The following AUTS2 variants were observed in gnomAD, a reference collection of about 807,000 sequenced individuals.
AUTS2 encodes the protein activator of transcription and developmental regulator AUTS2.
In AUTS2, 17 loss-of-function variants were observed where a neutral mutation model predicts 112.4. That is an observed-to-expected ratio of 0.15 (90% CI 0.10 to 0.23). The LOEUF (loss-of-function observed/expected upper bound fraction) is 0.23, where lower values mean the gene tolerates loss of function less well. AUTS2 is among the 10% of genes least tolerant of loss of function. The pLI is 1.00. For synonymous variants in AUTS2, 751 were observed against 702.7 expected (o/e 1.07, Z -1.09); for missense variants, 1,510 against 1,701.6 (o/e 0.89, Z 1.98).
chr7:70,234,113 G>C (rs1254823476), intron 4 of AUTS2, among the ~76,000 whole-genome samples: 2 of 152,158 alleles, frequency 1.3e-5, no homozygotes, highest in Admixed American at 6.5e-5. Flanking sequence ...AGTCATATTT[G>C]TGGATCAGAA....
chr7:70,588,671 ATT>A (rs916861526), intron 5 of AUTS2, among the ~76,000 whole-genome samples: 3 of 149,826 alleles, frequency 2.0e-5, no homozygotes, highest in Non-Finnish European at 4.5e-5. Flanking sequence ...AAAGTTTAGG[ATT>A]TTTTTTTTAT....
Position 70,046,560 on chromosome 7 carries a change from G to T in AUTS2, c.523-71572G>T, listed in dbSNP as rs545088213. Among the ~76,000 whole-genome samples, 36 of 152,232 alleles carry T rather than the reference G, an allele frequency of 2.4e-4. No individual in the cohort carries two copies. In the East Asian group the frequency reaches 6.4e-3, roughly 27 times the overall value. ...GCTTTCAGTAATTAGTCTGAATTTT[G>T]TTGAAACTCAGAAACAACTGGCAGT... On this transcript the variant is annotated intron_variant, in intron 2 of 18. Transcript: ENST00000342771.
intron 1 of AUTS2, among the ~76,000 whole-genome samples, chr7:69,630,934 T>C (rs896764181): frequency 1.3e-5 from 2 of 152,080 alleles, no homozygotes; most frequent in Admixed American, 6.5e-5. Context: ...CTTTTTTTTT[T>C]CCTTCTCTGT....
At position 70,763,092 on chromosome 7, in the gene AUTS2, C is replaced by A; in HGVS notation, c.965C>A (p.Pro322His). The A allele has an allele frequency of 6.2e-7, 1 of 1,614,150 alleles. No individual in the cohort carries two copies. Among genetic ancestry groups the A allele is most frequent in the South Asian group, 1.1e-5 (1 of 91,086 alleles). The change falls in exon 7 of 19, where the codon CCT becomes CAT. Residue 322 changes from proline to histidine, a missense_variant. Around this residue, in one of 3 missense-constraint regions of AUTS2, gnomAD observed 535 missense variants for 594.3 expected, o/e 0.90. Coordinates refer to ENST00000342771, the MANE Select transcript of AUTS2 (RefSeq NM_015570.4). ...CAACTCCGAGCTCCTTCTCCGGACC[C>A]TGACTTGGTGCAGCGCACAGAGGCC... Reference protein sequence around the residue: ...EPQLRAPSPDPDLVQRTEAPP... With the variant: ...EPQLRAPSPDHDLVQRTEAPP...
chr7:70,557,384 G>A (rs1352807424), intron 5 of AUTS2, among the ~76,000 whole-genome samples: 1 of 152,174 alleles, frequency 6.6e-6, no homozygotes, highest in Non-Finnish European at 1.5e-5. Flanking sequence ...CCAGCCCTTG[G>A]CTGGCAGAGG....
chr7:70,764,697 T>C (rs1490086898), intron 7 of AUTS2, 55 bp from the exon 8 acceptor site: 2 of 708,676 alleles, frequency 2.8e-6, no homozygotes, highest in Admixed American at 2.0e-5. Context: ...TTAAAGAGAA[T>C]ACATTGCTTA....
chr7:70,438,731 C>T (rs991821620), intron 5 of AUTS2, among the ~76,000 whole-genome samples: 3 of 152,316 alleles, frequency 2.0e-5, no homozygotes, highest in East Asian at 1.9e-4. Flanking sequence ...GTGCCCCCCT[C>T]GAAGCCCCAG....
chr7:70,477,221 G>A (rs1161762526), intron 5 of AUTS2, among the ~76,000 whole-genome samples: 2 of 152,088 alleles, frequency 1.3e-5, no homozygotes, highest in African/African-American at 4.8e-5. Context: ...TCTTTTCCCA[G>A]CCATATTTTT....
intron 2 of AUTS2, among the ~76,000 whole-genome samples, chr7:69,986,506 G>A (rs1205165869): frequency 6.6e-6 from 1 of 152,222 alleles, no homozygotes; most frequent in Non-Finnish European, 1.5e-5. Context: ...CGTTATGGTT[G>A]TTCTTGGCAG....
chr7:69,950,993 G>A (rs1292930066), intron 2 of AUTS2, among the ~76,000 whole-genome samples: 2 of 151,790 alleles, frequency 1.3e-5, no homozygotes, highest in Non-Finnish European at 2.9e-5. Context: ...TTTTTTAAAG[G>A]CTCCCTGCTC....
Position 70,329,813 on chromosome 7 carries a change from T to G in AUTS2, c.661-105939T>G, listed in dbSNP as rs981654125. The stretch of plus-strand genomic sequence containing the variant: ...TCTGTTGTAACAAACTACTTGACAC[T>G]AGAGAATTTATAAACAAAGGAAATT... On this transcript the variant is annotated intron_variant, in intron 4 of 18. Coordinates refer to ENST00000342771, the MANE Select transcript of AUTS2 (RefSeq NM_015570.4). Among the ~76,000 whole-genome samples, 13 of 152,056 alleles carry G rather than the reference T, an allele frequency of 8.5e-5. No homozygotes were observed. The East Asian group carries it at 2.3e-3, about 27-fold the overall frequency.
intron 6 of AUTS2, among the ~76,000 whole-genome samples, chr7:70,744,236 T>C (rs374052979): frequency 1.3e-5 from 2 of 152,170 alleles, no homozygotes; most frequent in Admixed American, 6.5e-5. Context: ...TGAAGAAATA[T>C]AGCCAACGTC....
At chr7:69,994,007 T>C (rs1798845671) in intron 2 of AUTS2, among the ~76,000 whole-genome samples, 1 of 152,070 alleles carries the variant, frequency 6.6e-6, no homozygotes, top group Non-Finnish European at 1.5e-5. Flanking sequence ...CCCAAGAAAG[T>C]CTCGCTTGTG....
At chr7:70,372,070 A>G (rs927542614) in intron 4 of AUTS2, among the ~76,000 whole-genome samples, 2 of 152,232 alleles carry the variant, frequency 1.3e-5, no homozygotes, top group Admixed American at 6.5e-5. Context: ...CAAGTTTCCA[A>G]TGCTGAAAAG....
At chr7:70,638,966 A>G (rs1805665746) in intron 5 of AUTS2, among the ~76,000 whole-genome samples, 1 of 152,194 alleles carries the variant, frequency 6.6e-6, no homozygotes, top group African/African-American at 2.4e-5. Flanking sequence ...AAGAGAGGTA[A>G]TAAAGCTAAC....
intron 3 of AUTS2, among the ~76,000 whole-genome samples, chr7:70,122,158 A>C (rs557875274): frequency 2.3e-4 from 35 of 152,342 alleles, no homozygotes; most frequent in African/African-American, 8.2e-4. Flanking sequence ...CATAAAGTAG[A>C]ATAGAACTTA....
At chr7:70,697,084 A>ATAAC (rs539166008) in intron 5 of AUTS2, among the ~76,000 whole-genome samples, 169 of 152,296 alleles carry the variant, frequency 1.1e-3, no homozygotes, top group African/African-American at 4.0e-3. Flanking sequence ...TTTTGGCTTT[A>ATAAC]TAACTCACTA....
At chr7:70,717,492 T>C (rs1290098274) in intron 6 of AUTS2, among the ~76,000 whole-genome samples, 1 of 152,158 alleles carries the variant, frequency 6.6e-6, no homozygotes, top group Non-Finnish European at 1.5e-5. Context: ...CCTTCGAGGA[T>C]GTGTGTATTT....
intron 1 of AUTS2, among the ~76,000 whole-genome samples, chr7:69,698,495 A>G (rs141114460): frequency 3.9e-5 from 6 of 152,270 alleles, no homozygotes; most frequent in African/African-American, 1.4e-4. Context: ...CTACCATTTA[A>G]TGTTATTATC....
Sources: allele counts gnomAD v4.1 joint callset (sites outside exome capture counted in the v4.1 genomes callset), GRCh38; gene constraint gnomAD v4.1.1; regional missense constraint gnomAD v4.1.1; transcripts MANE v1.5; gene names NCBI Gene and HGNC (gene_info 2026-07-23, HGNC 2026-07-21).